Variants in DNAJC13 observed in about 807,000 individuals in gnomAD.
DNAJC13 encodes dnaJ homolog subfamily C member 13.
DNAJC13 carries 75 observed loss-of-function variants against 290.5 expected under a neutral mutation model. The ratio of observed to expected loss-of-function variants is 0.26; its 90% CI spans 0.21 to 0.31. The LOEUF is 0.31. DNAJC13 is among the 10% of genes least tolerant of loss of function. The pLI, the probability that DNAJC13 is intolerant of heterozygous loss-of-function variation, is 1.00. For missense variants in DNAJC13, 2,260 were observed against 2,674.5 expected (o/e 0.85, Z 3.42); for synonymous variants, 862 against 892.0 (o/e 0.97, Z 0.60).
chr3:132,460,207 G>T (rs1933743414), intron 13 of DNAJC13, 43 bp from the exon 14 acceptor site: 4 of 1,322,968 alleles, frequency 3.0e-6, no homozygotes, highest in African/African-American at 3.0e-5. Context: ...TAGCACATGG[G>T]ACTGCTTATG....
chr3:132,527,236 T>A (rs1013241548), intron 53 of DNAJC13, among the ~76,000 whole-genome samples: 35 of 152,204 alleles, frequency 2.3e-4, no homozygotes, highest in African/African-American at 8.0e-4. Flanking sequence ...TTAAATAGAA[T>A]TCTGAAATAT....
At chr3:132,517,799 C>T (rs974105666) in intron 48 of DNAJC13, among the ~76,000 whole-genome samples, 2 of 152,142 alleles carry the variant, frequency 1.3e-5, no homozygotes, top group African/African-American at 2.4e-5. Context: ...ACACTTTTTA[C>T]ATTAATAAAA....
Position 132,467,272 on chromosome 3 carries a change from TTGATGCAC to T in DNAJC13, c.2170_2177del (p.Met724GlufsTer3). ...TGCCAAAGAAAAAGTGGATCTTGTA[TTGATGCAC>T]TGGAGGGATAGGATGGGCATTGCTC... On this transcript the variant is annotated frameshift_variant, in exon 20 of 56. Transcript: ENST00000260818. LOFTEE classifies it high-confidence loss of function. 1 of 1,613,998 alleles carries T rather than the reference TTGATGCAC, an allele frequency of 6.2e-7. No homozygotes were observed.
chr3:132,480,259 T>C, intron 25 of DNAJC13, 110 bp from the exon 26 acceptor site: 1 of 585,904 alleles, frequency 1.7e-6, no homozygotes, highest in Non-Finnish European at 2.9e-6. Flanking sequence ...AAACATTCTT[T>C]TCTTCGAGGA....
chr3:132,531,901 T>C (rs1193816478), intron 55 of DNAJC13, among the ~76,000 whole-genome samples: 1 of 152,214 alleles, frequency 6.6e-6, no homozygotes, highest in East Asian at 1.9e-4. Context: ...ATAGGTATCA[T>C]GAATGAAAGG....
chr3:132,487,195 A>G (rs893873306), intron 29 of DNAJC13, among the ~76,000 whole-genome samples: 1 of 152,198 alleles, frequency 6.6e-6, no homozygotes, highest in African/African-American at 2.4e-5. Context: ...ACATATGAGT[A>G]TAGAACTTTG....
At chr3:132,418,296 C>T (rs16839228) in intron 1 of DNAJC13, among the ~76,000 whole-genome samples, 7,208 of 152,262 alleles carry the variant, frequency 0.047, 536 homozygotes, top group African/African-American at 0.16. Context: ...AAGGCTTTTC[C>T]TTCCTGCAAG....
chr3:132,488,862 G>A, intron 30 of DNAJC13, 114 bp from the exon 31 acceptor site: 1 of 715,824 alleles, frequency 1.4e-6, no homozygotes, highest in South Asian at 1.8e-5. Context: ...GGATTTATGT[G>A]AGTTGCCATT....
intron 1 of DNAJC13, among the ~76,000 whole-genome samples, chr3:132,434,051 A>G (rs1454935630): frequency 6.6e-6 from 1 of 152,208 alleles, no homozygotes; most frequent in African/African-American, 2.4e-5. Flanking sequence ...TCTACTAAAA[A>G]TACAAAAAAT....
intron 3 of DNAJC13, 23 bp from the exon 4 acceptor site, chr3:132,447,298 G>C (rs1310947464): frequency 1.3e-6 from 2 of 1,509,798 alleles, no homozygotes; most frequent in Non-Finnish European, 1.8e-6. Context: ...AGTAGCACCA[G>C]TCAAAATTTT....
At chr3:132,504,827 G>A (rs1443035060) in intron 41 of DNAJC13, among the ~76,000 whole-genome samples, 4 of 152,048 alleles carry the variant, frequency 2.6e-5, no homozygotes, top group African/African-American at 9.7e-5. Flanking sequence ...ATCAGGGTGT[G>A]GTCAGGAAAA....
chr3:132,433,563 A>G (rs551666197), intron 1 of DNAJC13, among the ~76,000 whole-genome samples: 1 of 152,324 alleles, frequency 6.6e-6, no homozygotes, highest in East Asian at 1.9e-4. Context: ...GGCATGAGCC[A>G]CTGTGCCAGC....
Position 132,456,715 on chromosome 3 carries a change from T to C in DNAJC13, c.1232T>C (p.Leu411Ser). The C allele has an allele frequency of 1.2e-6, 2 of 1,614,092 alleles. No individual in the cohort carries two copies. The highest frequency in any genetic ancestry group is 1.7e-6 in the Non-Finnish European group (2 of 1,179,956). Reference protein sequence around the residue: ...EKLINNAITALLSQEGDVVAS... With the variant: ...EKLINNAITASLSQEGDVVAS... ...CTGATCAATAATGCCATAACAGCAT[T>C]ACTGTCCCAAGAAGGGGATGTCGTT... The change falls in exon 12 of 56, where the codon TTA becomes TCA. Residue 411 changes from leucine to serine, a missense_variant. Transcript: ENST00000260818.
At chr3:132,461,283 C>G in intron 15 of DNAJC13, 78 bp downstream of exon 15, 1 of 1,478,860 alleles carries the variant, frequency 6.8e-7, no homozygotes, top group South Asian at 1.1e-5. Context: ...TCTAAGATAA[C>G]ATTTGCATAC....
At position 132,525,469 on chromosome 3, in the gene DNAJC13, C is replaced by T. The variant is rs9843883; in HGVS notation, c.6061-141C>T. On this transcript the variant is annotated intron_variant, in intron 51 of 55. Coordinates refer to ENST00000260818, the MANE Select transcript of DNAJC13 (RefSeq NM_015268.4). ...AAGAAAATGGGAAGTTCGTTGTTCT[C>T]TTAGGATTAGTGAATCTGTTTTCAA... 0.14 allele frequency: 108,112 copies of T among 771,472 alleles called. 8,612 individuals carry two copies. The highest frequency in any genetic ancestry group is 0.24 in the South Asian group (11,600 of 49,096). The allele number at this position is 771,472 out of a possible 1,614,324, so 47.8% of individuals were successfully genotyped here.
Position 132,538,501 on chromosome 3 carries a change from T to C in DNAJC13, c.*219T>C. 2.8e-6 allele frequency: 1 copy of C among 358,506 alleles called. No individual in the cohort carries two copies. The highest frequency in any genetic ancestry group is 5.0e-6 in the Non-Finnish European group (1 of 199,996). The allele number at this position is 358,506 out of a possible 1,614,324, so 22.2% of individuals were successfully genotyped here. A position where few individuals can be genotyped will look rare whatever the true frequency, so the allele number is the denominator to read the frequency against. On this transcript the variant is annotated 3_prime_UTR_variant, in exon 56 of 56. Coordinates refer to ENST00000260818, the MANE Select transcript of DNAJC13 (RefSeq NM_015268.4). ...ATCAACATAAGTGGGTACACAAGAA[T>C]TTTTTTTTTCTTGGTGTATGTAAGC...
At chr3:132,424,148 C>T (rs116014015) in intron 1 of DNAJC13, among the ~76,000 whole-genome samples, 1,674 of 152,166 alleles carry the variant, frequency 0.011, 26 homozygotes, top group African/African-American at 0.038. Flanking sequence ...GATTTCAAAG[C>T]ATTGCTTAAG....
chr3:132,518,608 TG>T (rs1935994081), intron 48 of DNAJC13, among the ~76,000 whole-genome samples: 1 of 152,168 alleles, frequency 6.6e-6, no homozygotes, highest in Non-Finnish European at 1.5e-5. Context: ...CCACCCGCCT[TG>T]GCCTCCAAAA....
chr3:132,533,463 G>A (rs1936490796), intron 55 of DNAJC13, among the ~76,000 whole-genome samples: 1 of 150,500 alleles, frequency 6.6e-6, no homozygotes, highest in Non-Finnish European at 1.5e-5. Flanking sequence ...AGCCTCACAA[G>A]TAGCTGAGAT....
Sources: allele counts gnomAD v4.1 joint callset (sites outside exome capture counted in the v4.1 genomes callset), GRCh38; gene constraint gnomAD v4.1.1; transcripts MANE v1.5; gene names NCBI Gene and HGNC (gene_info 2026-07-23, HGNC 2026-07-21).